The following TRPM3 variants were observed in gnomAD, a reference collection of about 807,000 sequenced individuals.
The protein encoded by TRPM3 is long transient receptor potential channel 3.
A neutral mutation model predicts 181.2 loss-of-function variants in TRPM3; 77 were observed. The ratio of observed to expected loss-of-function variants is 0.42; its 90% CI spans 0.35 to 0.51. TRPM3 has a LOEUF of 0.51. TRPM3 is among the 20% of genes least tolerant of loss of function. The probability of loss-of-function intolerance (pLI) is 0.01; values close to 1 mark genes in which losing one functional copy is unlikely to be tolerated. For synonymous variants in TRPM3, 745 were observed against 796.4 expected (o/e 0.94, Z 1.09); for missense variants, 1,759 against 2,196.7 (o/e 0.80, Z 3.98).
chr9:70,888,365 GTGTGT>G (rs2096130112), intron 1 of TRPM3, among the ~76,000 whole-genome samples: 1 of 90,448 alleles, frequency 1.1e-5, no homozygotes, highest in Admixed American at 1.1e-4. Flanking sequence ...ATTTTGGGGT[GTGTGT>G]GTGTGTGTGT....
chr9:71,398,422 C>A (rs1308023167), intron 1 of TRPM3, among the ~76,000 whole-genome samples: 2 of 152,176 alleles, frequency 1.3e-5, no homozygotes, highest in Admixed American at 6.5e-5. Context: ...GTGTCCCCAT[C>A]AAATCTCATG....
intron 9 of TRPM3, among the ~76,000 whole-genome samples, chr9:70,657,293 T>TTG (rs386415020): frequency 0.02 from 1 of 50 alleles, no homozygotes; most frequent in Non-Finnish European, 0.045. Context: ...AAATTGTAAG[T>TTG]TTTTTTTTTA....
intron 6 of TRPM3, among the ~76,000 whole-genome samples, chr9:70,822,922 G>C (rs570226157): frequency 1.3e-5 from 2 of 152,090 alleles, no homozygotes; most frequent in Non-Finnish European, 2.9e-5. Context: ...TGATAATCTA[G>C]CAAGGGCCCG....
chr9:71,096,586 A>ACTCTCTCTCTCTCTCTCTCTCTCTCT (rs1410846317), intron 1 of TRPM3, among the ~76,000 whole-genome samples: 1 of 100,188 alleles, frequency 1.0e-5, no homozygotes, highest in African/African-American at 4.8e-5. Context: ...ACACACACAC[A>ACTCTCTCTCTCTCTCTCTCTCTCTCT]CACACTCTCT....
chr9:71,192,836 C>G (rs368936528), intron 1 of TRPM3, among the ~76,000 whole-genome samples: 18 of 151,878 alleles, frequency 1.2e-4, no homozygotes, highest in African/African-American at 2.7e-4. Flanking sequence ...TTGCCAAGAC[C>G]AGTGCTGTAG....
chr9:70,580,351 G>A (rs2055308184), intron 22 of TRPM3, among the ~76,000 whole-genome samples: 3 of 152,154 alleles, frequency 2.0e-5, no homozygotes. Flanking sequence ...ACAGCAATCT[G>A]CCTTACTAAC....
chr9:70,749,514 A>G (rs1370345563), intron 8 of TRPM3, among the ~76,000 whole-genome samples: 3 of 152,210 alleles, frequency 2.0e-5, no homozygotes, highest in Non-Finnish European at 4.4e-5. Context: ...AAAATAAGCC[A>G]TTGGACAACT....
intron 17 of TRPM3, among the ~76,000 whole-genome samples, chr9:70,616,465 C>T (rs572313249): frequency 2.0e-5 from 3 of 150,520 alleles, no homozygotes; most frequent in African/African-American, 4.9e-5. Context: ...CATTAGACAG[C>T]GCTTGATTTT....
intron 1 of TRPM3, among the ~76,000 whole-genome samples, chr9:71,024,104 G>A (rs762230703): frequency 4.6e-5 from 7 of 152,078 alleles, no homozygotes; most frequent in Non-Finnish European, 8.8e-5. Flanking sequence ...GAGAAATCAG[G>A]GAAAGGATAC....
At chr9:71,226,191 A>G (rs2131877055) in intron 1 of TRPM3, among the ~76,000 whole-genome samples, 1 of 152,160 alleles carries the variant, frequency 6.6e-6, no homozygotes, top group Middle Eastern at 3.4e-3. Context: ...TGGATACACA[A>G]AAAATAAAAA....
chr9:70,603,979 C>T (rs1259040834), intron 19 of TRPM3, among the ~76,000 whole-genome samples: 1 of 152,220 alleles, frequency 6.6e-6, no homozygotes, highest in Admixed American at 6.5e-5. Context: ...TAAAGTGCTT[C>T]GCTTGTCAGT....
intron 6 of TRPM3, among the ~76,000 whole-genome samples, chr9:70,817,842 G>A (rs953043147): frequency 6.6e-6 from 1 of 151,498 alleles, no homozygotes; most frequent in Non-Finnish European, 1.5e-5. Context: ...AAATAAATAT[G>A]TCATATTTAT....
intron 1 of TRPM3, among the ~76,000 whole-genome samples, chr9:71,273,046 TG>T (rs2083927186): frequency 6.6e-6 from 1 of 152,088 alleles, no homozygotes; most frequent in South Asian, 2.1e-4. Flanking sequence ...GGCTGATTTT[TG>T]TATTTTTAGT....
At chr9:71,128,063 C>A (rs1228686286) in intron 1 of TRPM3, among the ~76,000 whole-genome samples, 1 of 152,176 alleles carries the variant, frequency 6.6e-6, no homozygotes, top group Non-Finnish European at 1.5e-5. Flanking sequence ...AAACAAAACA[C>A]CTTCATCTCC....
intron 1 of TRPM3, among the ~76,000 whole-genome samples, chr9:70,994,675 A>G (rs752949025): frequency 3.3e-5 from 5 of 152,042 alleles, no homozygotes; most frequent in Non-Finnish European, 7.4e-5. Flanking sequence ...CTCCAGGGGA[A>G]CCTCACCAGC....
intron 1 of TRPM3, among the ~76,000 whole-genome samples, chr9:71,094,804 T>C (rs1337850010): frequency 6.6e-6 from 1 of 152,114 alleles, no homozygotes; most frequent in Non-Finnish European, 1.5e-5. Context: ...AAACTGTGCC[T>C]CTGGTTTAAT....
chr9:70,834,127 C>T (rs2094141664), intron 5 of TRPM3, among the ~76,000 whole-genome samples: 1 of 152,208 alleles, frequency 6.6e-6, no homozygotes, highest in Non-Finnish European at 1.5e-5. Context: ...AACCCAGATG[C>T]CGCCTTTCAG....
In TRPM3 at chr9:70,689,466, G is replaced by C. The variant is rs137974288; in HGVS notation, c.1273-7888C>G. On this transcript the variant is annotated intron_variant, in intron 8 of 25. Coordinates refer to ENST00000677713, the MANE Select transcript of TRPM3 (RefSeq NM_001366145.2). ...CTGAAAAGTAGACTGTGAAAAGTTAGTGTTATGCTGTAGGTCCCAAAGCAA... is the reference window on the plus strand; with the variant it reads ...CTGAAAAGTAGACTGTGAAAAGTTACTGTTATGCTGTAGGTCCCAAAGCAA... Among the ~76,000 whole-genome samples the C allele has an allele frequency of 2.2e-3, 329 of 151,720 alleles. 7 individuals are homozygous for C. Among genetic ancestry groups the C allele is most frequent in the Admixed American group, 0.019 (293 of 15,210 alleles).
chr9:70,903,036 G>T (rs1424306433), intron 1 of TRPM3, among the ~76,000 whole-genome samples: 1 of 152,138 alleles, frequency 6.6e-6, no homozygotes, highest in Non-Finnish European at 1.5e-5. Context: ...ATGTAAAGAT[G>T]TTATCCACTA....
Sources: allele counts gnomAD v4.1 joint callset (sites outside exome capture counted in the v4.1 genomes callset), GRCh38; gene constraint gnomAD v4.1.1; transcripts MANE v1.5; gene names NCBI Gene and HGNC (gene_info 2026-07-23, HGNC 2026-07-21).